Variants in SHC2 observed in about 807,000 individuals in gnomAD.
SHC2 encodes the protein SHC adaptor protein 2.
SHC2 carries 62 observed loss-of-function variants against 60.6 expected under a neutral mutation model. That is an observed-to-expected ratio of 1.02 (90% CI 0.83 to 1.26). The LOEUF (loss-of-function observed/expected upper bound fraction) is 1.26, where lower values mean the gene tolerates loss of function less well. Ranked by LOEUF, SHC2 falls within the 50% of genes most tolerant of loss-of-function variation. The pLI, the probability that SHC2 is intolerant of heterozygous loss-of-function variation, is 0.00. For missense variants in SHC2, 873 were observed against 822.2 expected (o/e 1.06, Z -0.76); for synonymous variants, 375 against 372.4 (o/e 1.01, Z -0.08).
chr19:448,661 G>A (rs1975104578), intron 1 of SHC2, among the ~76,000 whole-genome samples: 1 of 152,122 alleles, frequency 6.6e-6, no homozygotes, highest in Admixed American at 6.6e-5. Context: ...AGCACCCGGG[G>A]GCCTCCTGAC....
chr19:434,884 C>G lies in SHC2; in HGVS notation c.954-19G>C. On this transcript the variant is annotated intron_variant, in intron 7 of 12. Coordinates refer to ENST00000264554, the MANE Select transcript of SHC2 (RefSeq NM_012435.3). ...TGCCAGCCTGGGGGACAGACAACAA[C>G]GGCCATGGCACAGGCAGGGCCCAAG... 1.2e-6 allele frequency: 2 copies of G among 1,605,324 alleles called. No individual in the cohort carries two copies. The highest frequency in any genetic ancestry group is 1.7e-6 in the Non-Finnish European group (2 of 1,178,694).
intron 7 of SHC2, chr19:435,883 A>G (rs1974703090): frequency 5.2e-6 from 2 of 387,090 alleles, no homozygotes; most frequent in African/African-American, 4.0e-5. Flanking sequence ...GCGCGTCTGG[A>G]GGAGGGATAT....
rs542928063 is a variant in SHC2, at chr19:454,902, G to A, written c.468+5627C>T. On this transcript the variant is annotated intron_variant, in intron 1 of 12. Transcript: ENST00000264554. ...CCGTCCTGCCTCTCCCAGTGCTGGT[G>A]GTGGCCGGGGCTCCCTGACATCCTT... 3.9e-5 allele frequency among the ~76,000 whole-genome samples: 6 copies of A among 152,364 alleles called. No homozygotes were observed. The East Asian group carries it at 1.2e-3, about 29-fold the overall frequency.
At chr19:429,409 A>C (rs909451439) in intron 9 of SHC2, among the ~76,000 whole-genome samples, 5 of 144,322 alleles carry the variant, frequency 3.5e-5, no homozygotes, top group Admixed American at 2.8e-4. Flanking sequence ...CAACATGCAG[A>C]GAAACCTAAT....
Position 425,858 on chromosome 19 carries a change from G to A in SHC2, c.1175-627C>T, listed in dbSNP as rs1037630885. 6.6e-6 allele frequency among the ~76,000 whole-genome samples: 1 copy of A among 151,860 alleles called. No homozygotes were observed. The highest frequency in any genetic ancestry group is 6.6e-5 in the Admixed American group (1 of 15,234). ...AGCCTGGCCAACATGGTGAAACCCC[G>A]TCTCTACTAAAAATGCAAAAATTAG... On this transcript the variant is annotated intron_variant, in intron 9 of 12. Transcript: ENST00000264554. The surrounding 1 kb of genome is among the most constrained non-coding windows in gnomAD (Gnocchi z 4.1).
chr19:437,266 G>GTCTGCGTGCTCGTCTGTGTGATCA (rs1568289353), intron 4 of SHC2, among the ~76,000 whole-genome samples: 1 of 151,032 alleles, frequency 6.6e-6, no homozygotes, highest in Non-Finnish European at 1.5e-5. Flanking sequence ...TTGCGTGCTC[G>GTCTGCGTGCTCGTCTGTGTGATCA]TCTGCGTGCT....
chr19:451,985 C>G (rs1394908100), intron 1 of SHC2, among the ~76,000 whole-genome samples: 1 of 152,232 alleles, frequency 6.6e-6, no homozygotes, highest in East Asian at 1.9e-4. Flanking sequence ...GGTGTCGGAG[C>G]TGCAGAATGG....
chr19:450,300 G>T (rs181394166), intron 1 of SHC2, among the ~76,000 whole-genome samples: 14 of 152,332 alleles, frequency 9.2e-5, no homozygotes, highest in Admixed American at 8.5e-4. Flanking sequence ...GGCCCATGAC[G>T]CAAGAGAGTG....
chr19:444,059 G>GGGTGGGTGGACGGGTGGATGGAT (rs1974992853), intron 1 of SHC2, among the ~76,000 whole-genome samples: 3 of 151,022 alleles, frequency 2.0e-5, no homozygotes, highest in Non-Finnish European at 4.4e-5. Context: ...ATGGATGGAT[G>GGGTGGGTGGACGGGTGGATGGAT]GGTGGGTGGA....
intron 6 of SHC2, 25 bp from the exon 7 acceptor site, chr19:436,316 C>G (rs1167627766): frequency 6.3e-7 from 1 of 1,583,528 alleles, no homozygotes. Context: ...GTCATGCAGC[C>G]TCCGAGCCAC....
rs370229416 is a variant in SHC2, at chr19:440,219, G to A, written c.539+643C>T. On this transcript the variant is annotated intron_variant, in intron 2 of 12. Coordinates refer to ENST00000264554, the MANE Select transcript of SHC2 (RefSeq NM_012435.3). The surrounding 1 kb of genome is among the most constrained non-coding windows in gnomAD (Gnocchi z 7.0). ...TGCGTGGGTGCCGGGGCTGGGGAGG[G>A]GACGGGGAGTGGCTGTGATGGGGAC... is the stretch of plus-strand genomic sequence containing the variant. Among the ~76,000 whole-genome samples the A allele has an allele frequency of 4.0e-5, 6 of 151,834 alleles. No individual in the cohort carries two copies. Among genetic ancestry groups the A allele is most frequent in the African/African-American group, 1.5e-4 (6 of 41,304 alleles).
intron 1 of SHC2, among the ~76,000 whole-genome samples, chr19:450,090 G>A (rs368910121): frequency 2.0e-5 from 3 of 152,336 alleles, no homozygotes; most frequent in East Asian, 1.9e-4. Flanking sequence ...CCACAGGGGC[G>A]AGGGGTGTGT....
rs1257187204 is a variant in SHC2, at chr19:446,903, C to T, written c.469-5971G>A. 6.6e-6 allele frequency among the ~76,000 whole-genome samples: 1 copy of T among 152,170 alleles called. No homozygotes were observed. The highest frequency in any genetic ancestry group is 2.4e-5 in the African/African-American group (1 of 41,438). On this transcript the variant is annotated intron_variant, in intron 1 of 12. Transcript: ENST00000264554. This position sits in a 1 kb window ranked among gnomAD's most constrained non-coding sequence, Gnocchi z 5.4. ...GAGGTCCCCATGTCTGCACTCCCAGCCTGGGAGACCGTCCGAGTCTCCGCC... is the reference window on the plus strand; with the variant it reads ...GAGGTCCCCATGTCTGCACTCCCAGTCTGGGAGACCGTCCGAGTCTCCGCC...
intron 1 of SHC2, among the ~76,000 whole-genome samples, chr19:444,164 ATGGG>A (rs2145736826): frequency 6.6e-6 from 1 of 152,060 alleles, no homozygotes; most frequent in Admixed American, 6.5e-5. Flanking sequence ...GGATGGATGG[ATGGG>A]TGGGTGGATG....
At chr19:450,501 C>T (rs547884780) in intron 1 of SHC2, among the ~76,000 whole-genome samples, 126 of 151,808 alleles carry the variant, frequency 8.3e-4, no homozygotes, top group Non-Finnish European at 1.5e-3. Flanking sequence ...AACACTTACT[C>T]CCCGTCCCCT....
rs1974856661 is a variant in SHC2, at chr19:441,175, G to C, written c.469-243C>G. The C allele has an allele frequency of 3.0e-6, 3 of 984,876 alleles. No homozygotes were observed. The highest frequency in any genetic ancestry group is 3.6e-6 in the Non-Finnish European group (3 of 829,706). The allele number at this position is 984,876 out of a possible 1,614,324, so 61.0% of individuals were successfully genotyped here. A position where few individuals can be genotyped will look rare whatever the true frequency, so the allele number is the denominator to read the frequency against. Reference sequence around the variant, plus strand: ...GTTGCTGTTTCTCAGGAGCCTGGTGGTTCCCCCAGACGCTCTATGCTGCTT... The same window carrying C: ...GTTGCTGTTTCTCAGGAGCCTGGTGCTTCCCCCAGACGCTCTATGCTGCTT... On this transcript the variant is annotated intron_variant, in intron 1 of 12. Transcript: ENST00000264554. This position sits in a 1 kb window ranked among gnomAD's most constrained non-coding sequence, Gnocchi z 4.9.
chr19:441,772 A>T lies in SHC2; in HGVS notation c.469-840T>A, dbSNP rs1974877462. The stretch of plus-strand genomic sequence containing the variant: ...CGATATTATGAATGTACGAAATGCT[A>T]CTGAACTGTGAAAAATGCAACATGC... On this transcript the variant is annotated intron_variant, in intron 1 of 12. Coordinates refer to ENST00000264554, the MANE Select transcript of SHC2 (RefSeq NM_012435.3). The surrounding 1 kb of genome is among the most constrained non-coding windows in gnomAD (Gnocchi z 4.9). Among the ~76,000 whole-genome samples the T allele has an allele frequency of 6.6e-6, 1 of 152,270 alleles. No homozygotes were observed. The highest frequency in any genetic ancestry group is 2.4e-5 in the African/African-American group (1 of 41,468).
intron 1 of SHC2, among the ~76,000 whole-genome samples, chr19:458,747 AAGCGGGTCC>A (rs1179519621): frequency 1.4e-5 from 2 of 144,916 alleles, no homozygotes; most frequent in Non-Finnish European, 1.5e-5. Context: ...GGGGAGGCGG[AAGCGGGTCC>A]CGGGGAGGCG....
At chr19:419,253 A>C (rs1600268333) in intron 11 of SHC2, 197 bp from the exon 12 acceptor site, 2 of 593,028 alleles carry the variant, frequency 3.4e-6, no homozygotes, top group Non-Finnish European at 5.6e-6. Flanking sequence ...GGGCTCTGAA[A>C]CCCCCAGGGT....
Sources: gnomAD v4.1 joint callset for allele counts (sites outside exome capture counted in the v4.1 genomes callset) on GRCh38, gnomAD v4.1.1 for gene constraint, Gnocchi (gnomAD v3.1) non-coding constraint, MANE v1.5 for transcripts, NCBI Gene and HGNC (gene_info 2026-07-23, HGNC 2026-07-21) for gene names.